SYN3: variants seen among roughly 807,000 people sequenced by gnomAD.
The protein encoded by SYN3 is synapsin III.
A neutral mutation model predicts 65.8 loss-of-function variants in SYN3; 35 were observed. That is an observed-to-expected ratio of 0.53 (90% CI 0.41 to 0.70). The LOEUF (loss-of-function observed/expected upper bound fraction) is 0.70. SYN3 is among the 30% of genes least tolerant of loss of function. The probability of loss-of-function intolerance (pLI) is 0.00; values close to 1 mark genes in which losing one functional copy is unlikely to be tolerated. For missense variants in SYN3, 680 were observed against 749.0 expected (o/e 0.91, Z 1.08); for synonymous variants, 270 against 292.9 (o/e 0.92, Z 0.80).
At chr22:32,929,774 G>A (rs2050576138) in intron 4 of SYN3, among the ~76,000 whole-genome samples, 1 of 152,100 alleles carries the variant, frequency 6.6e-6, no homozygotes, top group South Asian at 2.1e-4. Context: ...TATTGTGAGT[G>A]GCCCTGAGTG....
At chr22:32,806,591 G>T (rs1260671193) in intron 6 of SYN3, among the ~76,000 whole-genome samples, 1 of 152,182 alleles carries the variant, frequency 6.6e-6, no homozygotes, top group African/African-American at 2.4e-5. Context: ...GGGCTTGTTG[G>T]CTGTGTGTGC....
chr22:32,531,806 G>GA (rs67627471), intron 10 of SYN3, among the ~76,000 whole-genome samples: 2 of 150,126 alleles, frequency 1.3e-5, no homozygotes, highest in Admixed American at 6.6e-5. Flanking sequence ...TTTCTGCGAG[G>GA]AAAAAAAAAA....
At chr22:33,022,220 G>A (rs1318847449) in intron 1 of SYN3, among the ~76,000 whole-genome samples, 1 of 152,164 alleles carries the variant, frequency 6.6e-6, no homozygotes, top group Non-Finnish European at 1.5e-5. Flanking sequence ...ATCCTGAAAT[G>A]CTAAAATCCC....
chr22:32,629,428 C>T (rs1854493412), intron 6 of SYN3, among the ~76,000 whole-genome samples: 1 of 152,140 alleles, frequency 6.6e-6, no homozygotes, highest in Non-Finnish European at 1.5e-5. Flanking sequence ...AAATCTTCAT[C>T]AAAATGTTTG....
intron 2 of SYN3, among the ~76,000 whole-genome samples, chr22:32,987,914 A>G (rs2052576327): frequency 6.6e-6 from 1 of 152,206 alleles, no homozygotes; most frequent in Non-Finnish European, 1.5e-5. Flanking sequence ...AAACAGATAA[A>G]AAGAATGAGT....
intron 4 of SYN3, among the ~76,000 whole-genome samples, chr22:32,918,023 C>G (rs531997618): frequency 9.9e-5 from 15 of 152,258 alleles, no homozygotes; most frequent in Admixed American, 6.5e-5. Context: ...TTGCAGACCA[C>G]ATCCCCGCCT....
rs6147593 is a variant in SYN3 at position 32,734,513 on chromosome 22, G to GCAGACAGACAGACAGACAGACAGA, written c.711+130401_711+130402insTCTGTCTGTCTGTCTGTCTGTCTG. On this transcript the variant is annotated intron_variant, in intron 6 of 13. Transcript: ENST00000358763. ...GGAGGAGCAGAGAAGAGGCAGGCAG[G>GCAGACAGACAGACAGACAGACAGA]CAGACAGACAGACAGACAGACATCG... is the stretch of plus-strand genomic sequence containing the variant. 4.0e-5 allele frequency among the ~76,000 whole-genome samples: 6 copies of GCAGACAGACAGACAGACAGACAGA among 151,442 alleles called. No individual in the cohort carries two copies. The East Asian group carries it at 5.9e-4, about 15-fold the overall frequency.
intron 12 of SYN3, 80 bp downstream of exon 12, chr22:32,527,838 G>C (rs1461194409): frequency 8.1e-7 from 1 of 1,228,996 alleles, no homozygotes; most frequent in Non-Finnish European, 1.2e-6. Context: ...AGCCCCTTGT[G>C]GGAATCACAT....
intron 5 of SYN3, among the ~76,000 whole-genome samples, chr22:32,868,159 A>G (rs1221080283): frequency 6.6e-6 from 1 of 152,178 alleles, no homozygotes; most frequent in Non-Finnish European, 1.5e-5. Flanking sequence ...GGACATAGTA[A>G]GTGCTCAATA....
intron 2 of SYN3, among the ~76,000 whole-genome samples, chr22:33,000,134 A>G (rs893171976): frequency 2.0e-5 from 3 of 152,144 alleles, no homozygotes; most frequent in African/African-American, 7.2e-5. Context: ...GGGAAGCCGA[A>G]GTGGGAGGAT....
intron 3 of SYN3, among the ~76,000 whole-genome samples, chr22:32,942,296 G>A (rs1203341114): frequency 1.3e-5 from 2 of 152,184 alleles, no homozygotes; most frequent in Non-Finnish European, 2.9e-5. Context: ...AGCAATATTC[G>A]CTGTTCTGCA....
In SYN3 at chr22:32,938,330, C is replaced by T. The variant is rs531469586; in HGVS notation, c.370-6849G>A. Among the ~76,000 whole-genome samples, 8 of 149,934 alleles carry T rather than the reference C, an allele frequency of 5.3e-5. No homozygotes were observed. The East Asian group carries it at 1.4e-3, about 27-fold the overall frequency. On this transcript the variant is annotated intron_variant, in intron 3 of 13. Coordinates refer to ENST00000358763, the MANE Select transcript of SYN3 (RefSeq NM_003490.4). ...GATCACAAGGTCAGGAGATCAAGAC[C>T]ATCCTGGCAAACACGGTGAAACCCT...
chr22:32,586,108 GTA>G (rs1389798252), intron 7 of SYN3, among the ~76,000 whole-genome samples: 3 of 148,706 alleles, frequency 2.0e-5, no homozygotes, highest in Admixed American at 6.7e-5. Flanking sequence ...ATGTATACAT[GTA>G]TATGTATATA....
At chr22:32,780,750 A>G (rs1166112441) in intron 6 of SYN3, among the ~76,000 whole-genome samples, 1 of 152,146 alleles carries the variant, frequency 6.6e-6, no homozygotes, top group Non-Finnish European at 1.5e-5. Flanking sequence ...TAGTTTCTTT[A>G]TCCTTAAAAT....
At chr22:32,691,729 C>T (rs1009452001) in intron 6 of SYN3, among the ~76,000 whole-genome samples, 6 of 150,704 alleles carry the variant, frequency 4.0e-5, no homozygotes, top group African/African-American at 1.2e-4. Flanking sequence ...GGGGTGGTGG[C>T]GGGGAGAGAA....
At chr22:32,975,382 A>AG (rs919139293) in intron 3 of SYN3, among the ~76,000 whole-genome samples, 20 of 152,106 alleles carry the variant, frequency 1.3e-4, no homozygotes, top group African/African-American at 4.1e-4. Flanking sequence ...TCAAAAAAAA[A>AG]AAAAAAAAGT....
intron 12 of SYN3, among the ~76,000 whole-genome samples, chr22:32,524,394 T>A (rs1188285380): frequency 2.0e-5 from 3 of 152,228 alleles, no homozygotes; most frequent in Non-Finnish European, 4.4e-5. Flanking sequence ...CAGTGCTCAT[T>A]AACCATTCTG....
At chr22:32,737,813 G>A (rs1036834447) in intron 6 of SYN3, among the ~76,000 whole-genome samples, 3 of 152,134 alleles carry the variant, frequency 2.0e-5, no homozygotes, top group Non-Finnish European at 4.4e-5. Flanking sequence ...CTGAGAAATG[G>A]ACTATGAGCA....
At position 32,780,912 on chromosome 22, in the gene SYN3, GCTTCCTTCCTTCCTTCCTTCCTTTC is replaced by G. The variant is rs1438381770; in HGVS notation, c.711+83978_711+84002del. 8.9e-3 allele frequency among the ~76,000 whole-genome samples: 1,134 copies of G among 127,476 alleles called. 18 individuals carry two copies. The highest frequency in any genetic ancestry group is 0.03 in the African/African-American group (1,009 of 34,056). The allele number at this position is 127,476 out of a possible 152,430, so 83.6% of individuals were successfully genotyped here. On this transcript the variant is annotated intron_variant, in intron 6 of 13. Coordinates refer to ENST00000358763, the MANE Select transcript of SYN3 (RefSeq NM_003490.4). ...GCCTGCCTGCCTGCCTGCCTTCCTT[GCTTCCTTCCTTCCTTCCTTCCTTTC>G]CTTCCTTCCTTCCTTCCTTCCTTCC... is the stretch of plus-strand genomic sequence containing the variant.
Sources: allele counts gnomAD v4.1 joint callset (sites outside exome capture counted in the v4.1 genomes callset), GRCh38; gene constraint gnomAD v4.1.1; transcripts MANE v1.5; gene names NCBI Gene and HGNC (gene_info 2026-07-23, HGNC 2026-07-21).